The following MON1A variants were observed in gnomAD, a reference collection of about 807,000 sequenced individuals.
The protein encoded by MON1A is vacuolar fusion protein MON1 homolog A.
MON1A carries 29 observed loss-of-function variants against 44.6 expected under a neutral mutation model. That is an observed-to-expected ratio of 0.65 (90% confidence interval 0.48 to 0.89). MON1A has a LOEUF of 0.89. Ranked by LOEUF, MON1A falls within the 40% of genes least tolerant of loss-of-function variation. MON1A has a pLI of 0.00. For missense variants in MON1A, 615 were observed against 759.6 expected (o/e 0.81, Z 2.24); for synonymous variants, 275 against 316.4 (o/e 0.87, Z 1.39).
At chr3:49,920,360 T>C (rs2082985507) in intron 1 of MON1A, among the ~76,000 whole-genome samples, 1 of 152,238 alleles carries the variant, frequency 6.6e-6, no homozygotes. Flanking sequence ...TTTGGACCTC[T>C]TCTCTGTCTT....
At position 49,910,497 on chromosome 3, in the gene MON1A, C is replaced by T. The variant is rs754451998; in HGVS notation, c.1001G>A (p.Arg334His). ...GGGGTGCAGAAATTGGTCCTTTCGG[C>T]GCACGAGTGCCACGAGCTGGTTGCG... is the stretch of plus-strand genomic sequence containing the variant. The part of the protein sequence containing the change: ...LARNQLVALV[R>H]RKDQFLHPID... Residue 334 changes from arginine to histidine, a missense_variant, in exon 4 of 6, where the codon CGC becomes CAC. By Grantham distance (29) the Arg-to-His change is conservative (BLOSUM62 0). Transcript: ENST00000296473. The surrounding 1 kb of genome is among the most constrained non-coding windows in gnomAD (Gnocchi z 8.0). The T allele has an allele frequency of 5.6e-6, 9 of 1,613,982 alleles. No individual in the cohort carries two copies. The highest frequency in any genetic ancestry group is 4.5e-5 in the East Asian group (2 of 44,856).
chr3:49,922,339 C>G (rs556051687), intron 1 of MON1A, among the ~76,000 whole-genome samples: 3 of 150,720 alleles, frequency 2.0e-5, no homozygotes, highest in African/African-American at 7.3e-5. Context: ...CCAGCTACCC[C>G]GGGAGGCTGA....
At chr3:49,923,493 C>G (rs922298519) in intron 1 of MON1A, among the ~76,000 whole-genome samples, 1 of 144,476 alleles carries the variant, frequency 6.9e-6, no homozygotes, top group Non-Finnish European at 1.5e-5. Context: ...TTGAGACAGT[C>G]TTGCTCTGTT....
chr3:49,927,826 A>AG (rs1322326749), intron 1 of MON1A, among the ~76,000 whole-genome samples: 2 of 151,612 alleles, frequency 1.3e-5, no homozygotes, highest in Non-Finnish European at 2.9e-5. Flanking sequence ...ACTTGAACCC[A>AG]GGGGGCAGAG....
Position 49,913,128 on chromosome 3 carries a change from A to AT in MON1A, c.127+91dup, listed in dbSNP as rs372607097. The AT allele has an allele frequency of 1.4e-5, 21 of 1,545,852 alleles. No individual in the cohort carries two copies. The African/African-American group carries it at 2.4e-4, about 18-fold the overall frequency. ...CAATGAGTGACTGACAAATGCATGA[A>AT]TAAGTGGAAAGGAAAAAGTGGTTGG... On this transcript the variant is annotated intron_variant, in intron 2 of 5. Transcript: ENST00000296473.
Position 49,911,035 on chromosome 3 carries a change from A to G in MON1A, c.614-151T>C, listed in dbSNP as rs2082872625. Reference sequence around the variant, plus strand: ...TTAAGGATGTTCAGGATAAAAACCCATTGCTCCTTCTCCCTGAGGGCTCAG... The same window carrying G: ...TTAAGGATGTTCAGGATAAAAACCCGTTGCTCCTTCTCCCTGAGGGCTCAG... On this transcript the variant is annotated intron_variant, in intron 3 of 5. Coordinates refer to ENST00000296473, the MANE Select transcript of MON1A (RefSeq NM_032355.4). The surrounding 1 kb of genome is among the most constrained non-coding windows in gnomAD (Gnocchi z 5.7). 2 of 779,596 alleles carry G rather than the reference A, an allele frequency of 2.6e-6. No homozygotes were observed. The highest frequency in any genetic ancestry group is 6.0e-5 in the Admixed American group (2 of 33,254). The allele number at this position is 779,596 out of a possible 1,614,324, so 48.3% of individuals were successfully genotyped here. A position where few individuals can be genotyped will look rare whatever the true frequency, so the allele number is the denominator to read the frequency against.
intron 1 of MON1A, chr3:49,929,342 G>A (rs2108542321): frequency 1.8e-6 from 1 of 546,632 alleles, no homozygotes; most frequent in Non-Finnish European, 3.2e-6. Context: ...TGGCGGGGCG[G>A]GGGTGGGGGA....
intron 1 of MON1A, among the ~76,000 whole-genome samples, chr3:49,921,567 G>C (rs547366255): frequency 2.0e-5 from 3 of 146,460 alleles, no homozygotes; most frequent in Non-Finnish European, 4.5e-5. Flanking sequence ...TCAGGATATC[G>C]AGACCACTCT....
intron 1 of MON1A, among the ~76,000 whole-genome samples, chr3:49,914,838 G>A (rs571448445): frequency 2.0e-5 from 3 of 152,026 alleles, no homozygotes; most frequent in African/African-American, 7.2e-5. Context: ...GAGCCACTGC[G>A]CCCGCCTAAT....
intron 1 of MON1A, among the ~76,000 whole-genome samples, chr3:49,919,424 GCTAGA>G (rs1575477037): frequency 1.3e-5 from 2 of 152,270 alleles, no homozygotes; most frequent in East Asian, 3.9e-4. Flanking sequence ...AGTCAGGTAG[GCTAGA>G]CTATTCTGTG....
intron 1 of MON1A, 196 bp downstream of exon 1, chr3:49,929,413 T>C: frequency 1.5e-6 from 1 of 671,902 alleles, no homozygotes; most frequent in Non-Finnish European, 2.6e-6. Flanking sequence ...AGCCAAAGGA[T>C]GGGTTCCAGA....
intron 2 of MON1A, chr3:49,912,982 A>G (rs1423434221): frequency 1.5e-6 from 1 of 651,184 alleles, no homozygotes; most frequent in Non-Finnish European, 2.8e-6. Flanking sequence ...CACAGGGAAC[A>G]GAAGAGCCCA....
chr3:49,917,818 G>A (rs1371972364), intron 1 of MON1A, among the ~76,000 whole-genome samples: 2 of 151,620 alleles, frequency 1.3e-5, no homozygotes, highest in African/African-American at 2.4e-5. Context: ...AAGCCGAGGC[G>A]GGCAGATCAC....
At position 49,929,757 on chromosome 3, in the gene MON1A, A is replaced by G; in HGVS notation, c.-162T>C. ...CCCCTGCGTACACAGACATGGCCAC[A>G]GCGCAGGCACCGCTCCCTCCCACCG... On this transcript the variant is annotated 5_prime_UTR_variant, in exon 1 of 6. Transcript: ENST00000296473. 6.5e-7 allele frequency: 1 copy of G among 1,549,602 alleles called. No homozygotes were observed. Among genetic ancestry groups the G allele is most frequent in the Non-Finnish European group, 8.7e-7 (1 of 1,146,704 alleles).
intron 1 of MON1A, among the ~76,000 whole-genome samples, chr3:49,915,310 C>T (rs1379376606): frequency 6.6e-6 from 1 of 152,184 alleles, no homozygotes; most frequent in East Asian, 1.9e-4. Context: ...GAGGGAGGAT[C>T]ACTTGAGCTC....
At chr3:49,927,759 G>C (rs1163296579) in intron 1 of MON1A, among the ~76,000 whole-genome samples, 1 of 152,106 alleles carries the variant, frequency 6.6e-6, no homozygotes, top group African/African-American at 2.4e-5. Flanking sequence ...TAATTAGCCA[G>C]GTATGGTGGC....
At chr3:49,921,663 T>C (rs1291880399) in intron 1 of MON1A, among the ~76,000 whole-genome samples, 25 of 139,326 alleles carry the variant, frequency 1.8e-4, no homozygotes, top group Non-Finnish European at 3.4e-4. Flanking sequence ...TTTTAAGAGA[T>C]GGGGTCTTGC....
chr3:49,910,355 G>A lies in MON1A; in HGVS notation c.1143C>T (p.His381=), dbSNP rs2082860673. The change falls in exon 4 of 6, where the codon CAC becomes CAT. Residue 381 remains histidine, a synonymous_variant. Coordinates refer to ENST00000296473, the MANE Select transcript of MON1A (RefSeq NM_032355.4). This position sits in a 1 kb window ranked among gnomAD's most constrained non-coding sequence, Gnocchi z 8.0. ...CAGTGTCAGGCTCTAGGTAAGAGAT[G>A]TGTGCGTGGAAGAAGCCGGCTGCGT... ...KFNAAGFFHA[H]ISYLEPDTDL... 1 of 1,614,130 alleles carries A rather than the reference G, an allele frequency of 6.2e-7. No homozygotes were observed. Among genetic ancestry groups the A allele is most frequent in the Non-Finnish European group, 8.5e-7 (1 of 1,180,056 alleles).
In MON1A at chr3:49,911,250, T is replaced by TAGATAGATAGATAGATAGA. The variant is rs1559492038; in HGVS notation, c.613+275_613+276insTCTATCTATCTATCTATCT. ...GATAGATAGATAGATAGATAGAGTT[T>TAGATAGATAGATAGATAGA]GTTGTTGTTGTTGTTGTTGCCTCCC... On this transcript the variant is annotated intron_variant, in intron 3 of 5. Coordinates refer to ENST00000296473, the MANE Select transcript of MON1A (RefSeq NM_032355.4). This position sits in a 1 kb window ranked among gnomAD's most constrained non-coding sequence, Gnocchi z 5.7. Among the ~76,000 whole-genome samples the TAGATAGATAGATAGATAGA allele has an allele frequency of 1.2e-3, 116 of 99,750 alleles. No individual in the cohort carries two copies. Among genetic ancestry groups the TAGATAGATAGATAGATAGA allele is most frequent in the African/African-American group, 4.0e-3 (112 of 28,082 alleles). 65.4% of individuals were successfully genotyped at this position (99,750 alleles called of 152,430 possible). A position where few individuals can be genotyped will look rare whatever the true frequency, so the allele number is the denominator to read the frequency against.
Sources: gnomAD v4.1 joint callset for allele counts (sites outside exome capture counted in the v4.1 genomes callset) on GRCh38, gnomAD v4.1.1 for gene constraint, Gnocchi (gnomAD v3.1) non-coding constraint, MANE v1.5 for transcripts, NCBI Gene and HGNC (gene_info 2026-07-23, HGNC 2026-07-21) for gene names.